The following ACAD10 variants were observed in gnomAD, a reference collection of about 807,000 sequenced individuals.
ACAD10 encodes the protein ACAD-10.
A neutral mutation model predicts 116.8 loss-of-function variants in ACAD10; 112 were observed. The observed-to-expected ratio is 0.96, with a 90% CI of 0.82 to 1.12. ACAD10 has a LOEUF of 1.12. Ranked by LOEUF, ACAD10 falls within the 50% of genes most tolerant of loss-of-function variation. The pLI is 0.00. For missense variants in ACAD10, 1,259 were observed against 1,350.2 expected, an observed-to-expected ratio of 0.93 and a Z score of 1.06; for synonymous variants, 486 against 510.6, an observed-to-expected ratio of 0.95 and a Z score of 0.65.
chr12:111,688,982 A>G (rs1887962393), intron 1 of ACAD10, among the ~76,000 whole-genome samples: 1 of 152,024 alleles, frequency 6.6e-6, no homozygotes, highest in Admixed American at 6.6e-5. Flanking sequence ...AATGAGGTCA[A>G]GAGATCGAGA....
chr12:111,739,604 A>G (rs1362581222), intron 12 of ACAD10, among the ~76,000 whole-genome samples: 2 of 152,142 alleles, frequency 1.3e-5, no homozygotes, highest in African/African-American at 4.8e-5. Flanking sequence ...TAAAAAATAT[A>G]AAAATTAGCC....
chr12:111,751,779 C>T (rs1826969797), intron 18 of ACAD10, among the ~76,000 whole-genome samples: 1 of 151,726 alleles, frequency 6.6e-6, no homozygotes, highest in Non-Finnish European at 1.5e-5. Context: ...CCAGGTGGGG[C>T]TGGGTGTGGT....
intron 6 of ACAD10, chr12:111,715,618 A>C: frequency 3.4e-6 from 2 of 595,758 alleles, no homozygotes; most frequent in South Asian, 4.5e-5. Flanking sequence ...CTGTAGTGGC[A>C]TGTGATCCTG....
chr12:111,729,358 C>A (rs575695343), intron 9 of ACAD10, among the ~76,000 whole-genome samples: 1 of 152,322 alleles, frequency 6.6e-6, no homozygotes, highest in African/African-American at 2.4e-5. Context: ...CTGCCTCAGC[C>A]TCCCAAGTAG....
chr12:111,720,194 A>AAAATTTTTAATAAAAATT (rs1888978289), intron 7 of ACAD10, among the ~76,000 whole-genome samples: 1 of 152,076 alleles, frequency 6.6e-6, no homozygotes, highest in Non-Finnish European at 1.5e-5. Context: ...ATTTTTTGAG[A>AAAATTTTTAATAAAAATT]TTTATTTTAT....
intron 2 of ACAD10, among the ~76,000 whole-genome samples, chr12:111,698,847 T>C (rs1424062934): frequency 1.3e-5 from 2 of 152,208 alleles, no homozygotes; most frequent in African/African-American, 4.8e-5. Context: ...TTTGATTTTA[T>C]TGATAATGCT....
At chr12:111,716,402 C>G (rs1318623968) in intron 7 of ACAD10, among the ~76,000 whole-genome samples, 1 of 152,148 alleles carries the variant, frequency 6.6e-6, no homozygotes, top group East Asian at 1.9e-4. Flanking sequence ...TAAATTAGAA[C>G]TATTCTGGAA....
In ACAD10 at chr12:111,756,747, G is replaced by A. The variant is rs1255244036; in HGVS notation, c.*274G>A. On this transcript the variant is annotated 3_prime_UTR_variant, in exon 21 of 21. Transcript: ENST00000313698. ...TGGAAAGCTGGTCTTCAGGCTCTCA[G>A]TCCCAGGCTGGGCAGGCACGGTCAC... is the stretch of plus-strand genomic sequence containing the variant. 1 of 610,768 alleles carries A rather than the reference G, an allele frequency of 1.6e-6. No individual in the cohort carries two copies. The highest frequency in any genetic ancestry group is 1.5e-5 in the South Asian group (1 of 66,016). 37.8% of individuals were successfully genotyped at this position (610,768 alleles called of 1,614,324 possible). A position where few individuals can be genotyped will look rare whatever the true frequency, so the allele number is the denominator to read the frequency against.
At chr12:111,714,270 A>G (rs1464047442) in intron 6 of ACAD10, among the ~76,000 whole-genome samples, 2 of 150,496 alleles carry the variant, frequency 1.3e-5, no homozygotes, top group African/African-American at 2.4e-5. Flanking sequence ...AAGTTGCATG[A>G]TTTTAAAACG....
At chr12:111,689,154 G>C (rs912772535) in intron 1 of ACAD10, among the ~76,000 whole-genome samples, 1 of 151,902 alleles carries the variant, frequency 6.6e-6, no homozygotes, top group Non-Finnish European at 1.5e-5. Flanking sequence ...TCATGCCACC[G>C]CATTCCAGCC....
chr12:111,702,170 G>T lies in ACAD10; in HGVS notation c.196G>T (p.Val66Leu). 1 of 1,613,212 alleles carries T rather than the reference G, an allele frequency of 6.2e-7. No individual in the cohort carries two copies. Among genetic ancestry groups the T allele is most frequent in the Non-Finnish European group, 8.5e-7 (1 of 1,179,812 alleles). The part of the protein sequence containing the change: ...SPGRVAAEWE[V>L]QNRIPSGTIL... ...TATTTTGCTTCCTATAGAATGGGAG[G>T]TACAGAATCGTATCCCTTCTGGAAC... is the stretch of plus-strand genomic sequence containing the variant. The change falls in exon 3 of 21, where the codon GTA becomes TTA. Residue 66 changes from valine to leucine, a missense_variant. By Grantham distance (32) the Val-to-Leu change is conservative. Transcript: ENST00000313698.
chr12:111,700,104 C>T (rs549691530), intron 2 of ACAD10, among the ~76,000 whole-genome samples: 4 of 152,118 alleles, frequency 2.6e-5, no homozygotes, highest in African/African-American at 9.6e-5. Context: ...CCTGTAGTTC[C>T]AGCTACTAGG....
chr12:111,706,042 C>T (rs1234590336), intron 4 of ACAD10, 110 bp downstream of exon 4: 1 of 1,189,370 alleles, frequency 8.4e-7, no homozygotes, highest in Non-Finnish European at 1.2e-6. Context: ...GTTTTTCCTT[C>T]AGCCACTTGA....
intron 8 of ACAD10, among the ~76,000 whole-genome samples, chr12:111,722,987 C>G (rs1481163836): frequency 6.6e-6 from 1 of 150,862 alleles, no homozygotes; most frequent in Admixed American, 6.6e-5. Context: ...CCTCACCTCC[C>G]GGACGGGGCG....
chr12:111,692,182 G>T (rs988014424), intron 1 of ACAD10, among the ~76,000 whole-genome samples: 4 of 152,164 alleles, frequency 2.6e-5, no homozygotes, highest in Non-Finnish European at 5.9e-5. Context: ...TGGTCAGGCT[G>T]GTCTCGAACT....
rs999491964 is a variant in ACAD10, at chr12:111,735,949, G to A, written c.1541-882G>A. 4.0e-5 allele frequency among the ~76,000 whole-genome samples: 6 copies of A among 150,826 alleles called. No individual in the cohort carries two copies. In the East Asian group the frequency reaches 5.9e-4, roughly 15 times the overall value. On this transcript the variant is annotated intron_variant, in intron 11 of 20. Transcript: ENST00000313698. ...GGCTGGACCACAGTGGCGCAATCTC[G>A]GCTCACTGCAACCTCTGCCTCCCGG...
intron 8 of ACAD10, among the ~76,000 whole-genome samples, chr12:111,724,851 G>C (rs2135969927): frequency 6.6e-6 from 1 of 151,264 alleles, no homozygotes; most frequent in East Asian, 2.0e-4. Context: ...GGGAGAGGGA[G>C]ACCGTGGAAA....
At chr12:111,723,196 AC>A (rs547875278) in intron 8 of ACAD10, among the ~76,000 whole-genome samples, 2 of 94,830 alleles carry the variant, frequency 2.1e-5, no homozygotes, top group Non-Finnish European at 2.1e-5. Context: ...TGGGGGGCTG[AC>A]CCCCCCTCCT....
At chr12:111,703,729 T>C (rs1888416887) in intron 3 of ACAD10, among the ~76,000 whole-genome samples, 1 of 151,946 alleles carries the variant, frequency 6.6e-6, no homozygotes, top group Admixed American at 6.6e-5. Flanking sequence ...TCCCAGCTAC[T>C]TGGGAGGCTG....
Sources: gnomAD v4.1 joint callset for allele counts (sites outside exome capture counted in the v4.1 genomes callset) on GRCh38, gnomAD v4.1.1 for gene constraint, MANE v1.5 for transcripts, NCBI Gene and HGNC (gene_info 2026-07-23, HGNC 2026-07-21) for gene names.